Variants in KIF18B observed in about 807,000 individuals in gnomAD.
The protein encoded by KIF18B is kinesin family member 18B, also known as kinesin-like protein KIF18B.
Under a neutral mutation model 80.9 loss-of-function variants are expected in KIF18B, and 49 were observed. The observed-to-expected ratio is 0.61, with a 90% CI of 0.48 to 0.77. The LOEUF is 0.77. KIF18B is among the 30% of genes least tolerant of loss of function. The probability of loss-of-function intolerance (pLI) is 0.00; values close to 1 mark genes in which losing one functional copy is unlikely to be tolerated. For missense variants in KIF18B, 994 were observed against 1,127.7 expected (o/e 0.88, Z 1.70); for synonymous variants, 439 against 463.9 (o/e 0.95, Z 0.69).
At chr17:44,932,381 G>A in intron 9 of KIF18B, 175 bp from the exon 10 acceptor site, 1 of 682,130 alleles carries the variant, frequency 1.5e-6, no homozygotes, top group Non-Finnish European at 2.4e-6. Context: ...CAGTAGCTGA[G>A]GGTAGGAGGA....
Position 44,924,913 on chromosome 17 carries a change from T to C in KIF18B, c.*1167A>G, listed in dbSNP as rs931095638. ...ACAATAGAGTTAAGCAATAAAGCTG[T>C]CTTCATTTGGAAATCAAGGCACCAT... On this transcript the variant is annotated 3_prime_UTR_variant, in exon 16 of 16. Transcript: ENST00000593135. 5 of 152,112 alleles carry C rather than the reference T, an allele frequency of 3.3e-5. No individual in the cohort carries two copies. Among genetic ancestry groups the C allele is most frequent in the African/African-American group, 1.2e-4 (5 of 41,382 alleles). 9.4% of individuals were successfully genotyped at this position (152,112 alleles called of 1,614,324 possible).
rs1284680089 is a variant in KIF18B at position 44,926,557 on chromosome 17, G to A, written c.2367-58C>T. 26 of 1,447,418 alleles carry A rather than the reference G, an allele frequency of 1.8e-5. No homozygotes were observed. The East Asian group carries it at 2.2e-4, about 12-fold the overall frequency. 89.7% of individuals were successfully genotyped at this position (1,447,418 alleles called of 1,614,324 possible). On this transcript the variant is annotated intron_variant, in intron 14 of 15. Coordinates refer to ENST00000593135, the MANE Select transcript of KIF18B (RefSeq NM_001265577.2). Reference sequence around the variant, plus strand: ...ACGGCCCTGTCTCTGGACTATGGGTGTGCATTGAAGTGGGGCATATAAGTA... The same window carrying A: ...ACGGCCCTGTCTCTGGACTATGGGTATGCATTGAAGTGGGGCATATAAGTA...
intron 1 of KIF18B, among the ~76,000 whole-genome samples, chr17:44,936,934 G>T (rs935703794): frequency 4.6e-5 from 7 of 150,996 alleles, no homozygotes; most frequent in Non-Finnish European, 1.0e-4. Context: ...GAGCCACCGC[G>T]CCAGGCCTCA....
Position 44,932,221 on chromosome 17 carries a change from T to G in KIF18B, c.1239-15A>C. On this transcript the variant is annotated splice_polypyrimidine_tract_variant and intron_variant, in intron 9 of 15. Transcript: ENST00000593135. ...TGCAGGGCTGGCTGGGAGGGTGGGG[T>G]GGCAAGGGGGAGCTGGGAAGGCTAA... 3 of 1,564,298 alleles carry G rather than the reference T, an allele frequency of 1.9e-6. No homozygotes were observed. Among genetic ancestry groups the G allele is most frequent in the African/African-American group, 1.4e-5 (1 of 72,912 alleles).
Position 44,926,496 on chromosome 17 carries a change from G to T in KIF18B, c.2370C>A (p.Ser790=). ...TGCGGCTGCGGCCATGGGAGACTGAGGAACTGAGGGAGGAAAGGAGGGAAG... is the reference window on the plus strand; with the variant it reads ...TGCGGCTGCGGCCATGGGAGACTGATGAACTGAGGGAGGAAAGGAGGGAAG... ...SACKKKRVAS[S]SVSHGRSRIA... The change falls in exon 15 of 16, where the codon TCC becomes TCA. Residue 790 remains serine, a synonymous_variant. Coordinates refer to ENST00000593135, the MANE Select transcript of KIF18B (RefSeq NM_001265577.2). 6.3e-7 allele frequency: 1 copy of T among 1,582,802 alleles called. No homozygotes were observed. Among genetic ancestry groups the T allele is most frequent in the South Asian group, 1.2e-5 (1 of 86,050 alleles).
In KIF18B at chr17:44,932,674, G is replaced by A. The variant is rs374513458; in HGVS notation, c.1237C>T (p.His413Tyr). ...GSPKSGPPPE[H>Y]QPCTPELPAG... ...GCGGGAATGGGCAGTGGAACTCACT[G>A]TTCTGGTGGTGGTCCCGACTTGGGA... The change falls in exon 9 of 16, where the codon CAC becomes TAC. Residue 413 changes from histidine (H) to tyrosine (Y), a missense_variant and splice_region_variant. By Grantham distance (83) the His-to-Tyr change is moderately conservative. Transcript: ENST00000593135. The A allele has an allele frequency of 6.2e-7, 1 of 1,602,698 alleles. No homozygotes were observed. The highest frequency in any genetic ancestry group is 8.5e-7 in the Non-Finnish European group (1 of 1,171,538).
rs776503963 is a variant in KIF18B at position 44,926,058 on chromosome 17, G to T, written c.*22C>A. 3.8e-5 allele frequency: 61 copies of T among 1,613,554 alleles called. No homozygotes were observed. Among genetic ancestry groups the T allele is most frequent in the Non-Finnish European group, 5.2e-5 (61 of 1,179,712 alleles). On this transcript the variant is annotated 3_prime_UTR_variant, in exon 16 of 16. Coordinates refer to ENST00000593135, the MANE Select transcript of KIF18B (RefSeq NM_001265577.2). ...AGGGGCCGGTAGGTTAGGACACCTT[G>T]GTGGTCAGGACATTCTGGCGGTCAG... is the stretch of plus-strand genomic sequence containing the variant.
rs1330329082 is a variant in KIF18B at position 44,934,114 on chromosome 17, G to C, written c.886-15C>G. On this transcript the variant is annotated splice_polypyrimidine_tract_variant and intron_variant, in intron 6 of 15. Transcript: ENST00000593135. The surrounding 1 kb of genome is among the most constrained non-coding windows in gnomAD (Gnocchi z 5.4). ...GTCTTGCGGCCCTGGGGGGCAGTAA[G>C]CAGGTGTGGGGTGAGGCGACTGATG... 3 of 1,611,390 alleles carry C rather than the reference G, an allele frequency of 1.9e-6. No homozygotes were observed. The highest frequency in any genetic ancestry group is 2.7e-5 in the African/African-American group (2 of 74,886).
At chr17:44,931,987 G>A (rs2052160237) in intron 10 of KIF18B, 69 bp downstream of exon 10, 1 of 1,509,366 alleles carries the variant, frequency 6.6e-7, no homozygotes, top group Non-Finnish European at 9.0e-7. Context: ...TCAGGGAGAG[G>A]CAATTTTTCC....
In KIF18B at chr17:44,937,977, T is replaced by TACACAC. The variant is rs57130293; in HGVS notation, c.-14-1625_-14-1620dup. 5.7e-3 allele frequency among the ~76,000 whole-genome samples: 825 copies of TACACAC among 144,032 alleles called. 11 individuals carry two copies. The highest frequency in any genetic ancestry group is 0.017 in the African/African-American group (683 of 39,228). 94.5% of individuals were successfully genotyped at this position (144,032 alleles called of 152,430 possible). ...TATCAATGCTCTTTCAGCATCTCCA[T>TACACAC]ACACACACACACACACACACACACA... On this transcript the variant is annotated intron_variant, in intron 1 of 15. Coordinates refer to ENST00000593135, the MANE Select transcript of KIF18B (RefSeq NM_001265577.2).
intron 15 of KIF18B, 73 bp from the exon 16 acceptor site, chr17:44,926,259 C>T (rs1219535188): frequency 6.3e-7 from 1 of 1,592,620 alleles, no homozygotes; most frequent in East Asian, 2.3e-5. Flanking sequence ...CGTCCTCCAG[C>T]CCACCTCCCA....
chr17:44,932,031 C>T, intron 10 of KIF18B, 25 bp downstream of exon 10: 1 of 1,590,838 alleles, frequency 6.3e-7, no homozygotes. Flanking sequence ...TCCCGATACC[C>T]AGGCCTCACA....
chr17:44,935,180 A>G, intron 3 of KIF18B, 79 bp downstream of exon 3: 1 of 1,425,888 alleles, frequency 7.0e-7, no homozygotes, highest in Non-Finnish European at 9.4e-7. Flanking sequence ...ACCCTGTCCC[A>G]CACCAGCTCA....
chr17:44,942,144 G>A (rs2052432805), intron 1 of KIF18B, among the ~76,000 whole-genome samples: 1 of 152,204 alleles, frequency 6.6e-6, no homozygotes, highest in Admixed American at 6.5e-5. Context: ...CCGCCCCAGG[G>A]GATGGGGAGA....
In KIF18B at chr17:44,927,857, C is replaced by T. The variant is rs2052060981; in HGVS notation, c.2276+169G>A. 6.6e-6 allele frequency among the ~76,000 whole-genome samples: 1 copy of T among 152,184 alleles called. No homozygotes were observed. The highest frequency in any genetic ancestry group is 2.4e-5 in the African/African-American group (1 of 41,432). On this transcript the variant is annotated intron_variant, in intron 13 of 15. Coordinates refer to ENST00000593135, the MANE Select transcript of KIF18B (RefSeq NM_001265577.2). The surrounding 1 kb of genome is among the most constrained non-coding windows in gnomAD (Gnocchi z 4.1). ...AGGGGCCCCAGGAGAAGTGACACCT[C>T]CCTGGCAGCTGTTGGGCCTGGGGAG...
chr17:44,926,642 G>T, intron 14 of KIF18B, 143 bp from the exon 15 acceptor site: 1 of 811,006 alleles, frequency 1.2e-6, no homozygotes, highest in Non-Finnish European at 1.9e-6. Context: ...TCCAGAGCTG[G>T]ATCTAAGGGT....
chr17:44,937,977 TACACACACACAC>T (rs57130293), intron 1 of KIF18B, among the ~76,000 whole-genome samples: 534 of 144,042 alleles, frequency 3.7e-3, no homozygotes, highest in Middle Eastern at 0.011. Flanking sequence ...AGCATCTCCA[TACACACACACAC>T]ACACACACAC....
intron 7 of KIF18B, 64 bp downstream of exon 7, chr17:44,933,859 C>G: frequency 6.9e-7 from 1 of 1,459,158 alleles, no homozygotes; most frequent in African/African-American, 1.4e-5. Flanking sequence ...TGCCTGGGTC[C>G]CACCCTTTCC....
chr17:44,937,183 TG>T (rs1418711888), intron 1 of KIF18B, among the ~76,000 whole-genome samples: 1 of 152,174 alleles, frequency 6.6e-6, no homozygotes, highest in African/African-American at 2.4e-5. Context: ...AGGCATTTAT[TG>T]TGCTACTTGA....
Sources: allele counts gnomAD v4.1 joint callset (sites outside exome capture counted in the v4.1 genomes callset), GRCh38; gene constraint gnomAD v4.1.1; non-coding constraint Gnocchi (gnomAD v3.1); transcripts MANE v1.5; gene names NCBI Gene and HGNC (gene_info 2026-07-23, HGNC 2026-07-21).